The following ZNF93 variants were observed in gnomAD, a reference collection of about 807,000 sequenced individuals.
ZNF93 encodes the protein zinc finger protein 93.
ZNF93 carries 29 observed loss-of-function variants against 45.0 expected under a neutral mutation model. That is an observed-to-expected ratio of 0.64 (90% confidence interval 0.48 to 0.88). The LOEUF is 0.88. ZNF93 is among the 40% of genes least tolerant of loss of function. ZNF93 has a pLI of 0.00. For missense variants in ZNF93, 578 were observed against 724.0 expected, an observed-to-expected ratio of 0.80 and a Z score of 2.31; for synonymous variants, 223 against 244.6, an observed-to-expected ratio of 0.91 and a Z score of 0.82.
Position 19,934,986 on chromosome 19 carries a change from C to T in ZNF93, c.*168C>T. 1 of 703,314 alleles carries T rather than the reference C, an allele frequency of 1.4e-6. No homozygotes were observed. Among genetic ancestry groups the T allele is most frequent in the South Asian group, 2.2e-5 (1 of 45,978 alleles). 43.6% of individuals were successfully genotyped at this position (703,314 alleles called of 1,614,324 possible). A position where few individuals can be genotyped will look rare whatever the true frequency, so the allele number is the denominator to read the frequency against. The stretch of plus-strand genomic sequence containing the variant: ...AGTGGCCCATTTACAGCCATGTAGG[C>T]AGGCCTGCAGACCTTGGCCTTTACT... On this transcript the variant is annotated 3_prime_UTR_variant, in exon 4 of 4. Transcript: ENST00000343769.
chr19:19,919,836 G>A (rs2063337682), intron 3 of ZNF93, among the ~76,000 whole-genome samples: 1 of 151,990 alleles, frequency 6.6e-6, no homozygotes, highest in African/African-American at 2.4e-5. Context: ...TTGCTTATCA[G>A]CTTGAGATTT....
intron 3 of ZNF93, among the ~76,000 whole-genome samples, chr19:19,919,488 A>G (rs62135325): frequency 2.2e-4 from 33 of 149,664 alleles, no homozygotes; most frequent in African/African-American, 5.2e-4. Context: ...AATTCTGTGA[A>G]GAAAGTCATT....
chr19:19,906,670 T>G (rs1568506371), intron 1 of ZNF93, among the ~76,000 whole-genome samples: 1 of 152,150 alleles, frequency 6.6e-6, no homozygotes, highest in Non-Finnish European at 1.5e-5. Flanking sequence ...AGTTTTTCAT[T>G]TAAGTGTTTA....
intron 1 of ZNF93, among the ~76,000 whole-genome samples, chr19:19,911,899 G>A (rs2063309687): frequency 6.6e-6 from 1 of 151,928 alleles, no homozygotes. Flanking sequence ...ACAGTTGCCT[G>A]CCACTGCACC....
At chr19:19,925,251 CT>C (rs1303961842) in intron 3 of ZNF93, among the ~76,000 whole-genome samples, 1 of 152,192 alleles carries the variant, frequency 6.6e-6, no homozygotes, top group African/African-American at 2.4e-5. Context: ...CATTTCACAA[CT>C]CCCTCCCCGG....
At chr19:19,915,015 A>G (rs959392709) in intron 1 of ZNF93, among the ~76,000 whole-genome samples, 1 of 152,260 alleles carries the variant, frequency 6.6e-6, no homozygotes, top group South Asian at 2.1e-4. Flanking sequence ...TCAAAAATGT[A>G]CATGTTCATG....
At position 19,907,131 on chromosome 19, in the gene ZNF93, C is replaced by A. The variant is rs190704030; in HGVS notation, c.3+6040C>A. On this transcript the variant is annotated intron_variant, in intron 1 of 3. Transcript: ENST00000343769. ...ATAAACTTTTTGTAATTTTTTCTGA[C>A]CCCAGATTGTCTTTATCTAGTACTT... Among the ~76,000 whole-genome samples, 105 of 151,642 alleles carry A rather than the reference C, an allele frequency of 6.9e-4. 2 individuals are homozygous for A. The highest frequency in any genetic ancestry group is 2.5e-3 in the African/African-American group (102 of 41,268).
rs532202689 is a variant in ZNF93 at position 19,933,666 on chromosome 19, C to A, written c.711C>A (p.Ala237=). The A allele has an allele frequency of 1.2e-6, 2 of 1,612,016 alleles. No individual in the cohort carries two copies. The highest frequency in any genetic ancestry group is 2.2e-5 in the East Asian group (1 of 44,832). The stretch of plus-strand genomic sequence containing the variant: ...ACAAGTGTGATAAATGTGACAAAGC[C>A]TTTATTGCATCCTCAACCCTTAGTA... ...KPYKCDKCDK[A]FIASSTLSKH... The change falls in exon 4 of 4, where the codon GCC becomes GCA. Residue 237 remains alanine (A), a synonymous_variant. Transcript: ENST00000343769.
At chr19:19,903,258 G>A (rs2063281501) in intron 1 of ZNF93, among the ~76,000 whole-genome samples, 1 of 152,092 alleles carries the variant, frequency 6.6e-6, no homozygotes, top group Admixed American at 6.5e-5. Context: ...AAAGGAGGTG[G>A]GAGGGGAATG....
At chr19:19,913,475 C>T (rs542909369) in intron 1 of ZNF93, among the ~76,000 whole-genome samples, 108 of 152,184 alleles carry the variant, frequency 7.1e-4, no homozygotes, top group African/African-American at 2.5e-3. Context: ...CACCTGTGAA[C>T]TAGAGGGTGG....
At chr19:19,906,601 C>T (rs189125237) in intron 1 of ZNF93, among the ~76,000 whole-genome samples, 15 of 152,098 alleles carry the variant, frequency 9.9e-5, no homozygotes, top group Admixed American at 6.5e-4. Context: ...AAGTCTTTGC[C>T]GGTTTCTGTG....
intron 1 of ZNF93, chr19:19,909,163 A>T (rs1442888464): frequency 6.6e-6 from 1 of 152,266 alleles, no homozygotes; most frequent in East Asian, 1.9e-4. Flanking sequence ...CTGATGTGAC[A>T]CTAGAGTGCT....
intron 1 of ZNF93, among the ~76,000 whole-genome samples, chr19:19,910,111 C>T (rs1338880446): frequency 6.6e-6 from 1 of 152,180 alleles, no homozygotes; most frequent in African/African-American, 2.4e-5. Context: ...TTTCCCCTTC[C>T]TCCTCTTGCT....
Position 19,901,094 on chromosome 19 carries a change from G to T in ZNF93, c.3+3G>T. On this transcript the variant is annotated splice_donor_region_variant and intron_variant, in intron 1 of 3. Coordinates refer to ENST00000343769, the MANE Select transcript of ZNF93 (RefSeq NM_031218.4). ...GGACCCCTGGAAGCCTAGAAATGGTGAGAGTGCCGGTCCGACATCCCAAGC... is the reference window on the plus strand; with the variant it reads ...GGACCCCTGGAAGCCTAGAAATGGTTAGAGTGCCGGTCCGACATCCCAAGC... The T allele has an allele frequency of 6.2e-7, 1 of 1,613,592 alleles. No individual in the cohort carries two copies.
intron 1 of ZNF93, 148 bp downstream of exon 1, chr19:19,901,239 G>A: frequency 7.5e-7 from 1 of 1,329,442 alleles, no homozygotes; most frequent in Non-Finnish European, 1.1e-6. Context: ...GTTCCCTTCA[G>A]CCATAAGATG....
Position 19,935,168 on chromosome 19 carries a change from C to G in ZNF93, c.*350C>G, listed in dbSNP as rs981262604. The G allele has an allele frequency of 8.2e-6, 2 of 242,460 alleles. No individual in the cohort carries two copies. The highest frequency in any genetic ancestry group is 1.6e-5 in the Non-Finnish European group (2 of 126,238). The allele number at this position is 242,460 out of a possible 1,614,324, so 15.0% of individuals were successfully genotyped here. On this transcript the variant is annotated 3_prime_UTR_variant, in exon 4 of 4. Transcript: ENST00000343769. ...CATCCACATCCTGATACAAGGCCCA[C>G]CATATGCAGACCTGACTGCCAAAAC...
intron 1 of ZNF93, among the ~76,000 whole-genome samples, chr19:19,913,702 C>T (rs1380034939): frequency 6.6e-6 from 1 of 152,024 alleles, no homozygotes; most frequent in Non-Finnish European, 1.5e-5. Context: ...TCTTTTTCTG[C>T]CAGAAGATGT....
intron 3 of ZNF93, among the ~76,000 whole-genome samples, chr19:19,929,723 G>C (rs912786508): frequency 6.6e-6 from 1 of 151,658 alleles, no homozygotes; most frequent in African/African-American, 2.4e-5. Flanking sequence ...CGGATCACGA[G>C]GTCAGGAGAT....
intron 3 of ZNF93, chr19:19,932,289 A>T (rs1009039348): frequency 4.5e-5 from 7 of 155,036 alleles, no homozygotes; most frequent in African/African-American, 1.2e-4. Flanking sequence ...TTATATTGAC[A>T]TTGTTATGCA....
Sources: allele counts gnomAD v4.1 joint callset (sites outside exome capture counted in the v4.1 genomes callset), GRCh38; gene constraint gnomAD v4.1.1; transcripts MANE v1.5; gene names NCBI Gene and HGNC (gene_info 2026-07-23, HGNC 2026-07-21).